The following HPSE2 variants were observed in gnomAD, a reference collection of about 807,000 sequenced individuals.
HPSE2 encodes the protein heparanase 2 (inactive), also known as inactive heparanase-2.
Under a neutral mutation model 60.5 loss-of-function variants are expected in HPSE2, and 38 were observed. The observed-to-expected ratio is 0.63, with a 90% CI of 0.48 to 0.82. The LOEUF (loss-of-function observed/expected upper bound fraction) is 0.82, where lower values mean the gene tolerates loss of function less well. Among genes scored for constraint, HPSE2 ranks in the 40% least tolerant of loss-of-function variants. HPSE2 has a pLI of 0.00. For synonymous variants in HPSE2, 295 were observed against 293.2 expected (o/e 1.01, Z -0.06); for missense variants, 713 against 740.4 (o/e 0.96, Z 0.43).
At chr10:99,094,920 G>A (rs1843667298) in intron 3 of HPSE2, among the ~76,000 whole-genome samples, 1 of 151,956 alleles carries the variant, frequency 6.6e-6, no homozygotes, top group Non-Finnish European at 1.5e-5. Context: ...GGTCACAGTG[G>A]CTCACACCTA....
the HPSE2 span, among the ~76,000 whole-genome samples, chr10:99,276,878 A>G: frequency 6.6e-6 from 1 of 152,232 alleles, no homozygotes; most frequent in Non-Finnish European, 1.5e-5. Context: ...TACTATAATA[A>G]TATTTGAGCA....
At chr10:99,019,296 T>C (rs1034719500) in intron 3 of HPSE2, among the ~76,000 whole-genome samples, 1 of 152,228 alleles carries the variant, frequency 6.6e-6, no homozygotes, top group Admixed American at 6.5e-5. Flanking sequence ...ATTTACTAAG[T>C]GTTGAAGAGG....
chr10:98,477,866 T>A (rs969372900), intron 11 of HPSE2, among the ~76,000 whole-genome samples: 10 of 152,168 alleles, frequency 6.6e-5, no homozygotes, highest in Admixed American at 2.0e-4. Context: ...ACCAGCAGCA[T>A]CATCAGATTC....
chr10:98,857,547 G>A (rs1050197049), intron 3 of HPSE2, among the ~76,000 whole-genome samples: 10 of 152,066 alleles, frequency 6.6e-5, no homozygotes, highest in African/African-American at 2.4e-4. Context: ...TAAAAATGAG[G>A]TTTTAAAATA....
chr10:98,590,120 A>G (rs567439990), intron 9 of HPSE2, among the ~76,000 whole-genome samples: 80 of 152,368 alleles, frequency 5.3e-4, no homozygotes, highest in Middle Eastern at 3.4e-3. Flanking sequence ...TGCATGTTCT[A>G]ACACCAACCC....
chr10:98,649,670 C>A (rs775442109), intron 6 of HPSE2, among the ~76,000 whole-genome samples: 66 of 152,030 alleles, frequency 4.3e-4, no homozygotes, highest in Non-Finnish European at 1.0e-4. Flanking sequence ...AAAGCAAAAA[C>A]CGGGGTAGAT....
the HPSE2 span, among the ~76,000 whole-genome samples, chr10:99,277,661 T>A: frequency 1.3e-5 from 2 of 152,208 alleles, no homozygotes; most frequent in Non-Finnish European, 2.9e-5. Context: ...ATAAAAACAT[T>A]TAGCGTTTGT....
At chr10:98,891,319 T>C (rs1023915891) in intron 3 of HPSE2, among the ~76,000 whole-genome samples, 5 of 152,172 alleles carry the variant, frequency 3.3e-5, no homozygotes, top group Non-Finnish European at 7.4e-5. Flanking sequence ...AAACCATATA[T>C]TAAATAATTC....
intron 3 of HPSE2, among the ~76,000 whole-genome samples, chr10:98,922,785 T>A (rs76546226): frequency 0.027 from 4,034 of 152,224 alleles, 131 homozygotes; most frequent in East Asian, 0.15. Flanking sequence ...AAACTCCACA[T>A]GTTAACTTAG....
chr10:98,550,874 G>T (rs573950046), intron 9 of HPSE2, among the ~76,000 whole-genome samples: 1 of 152,264 alleles, frequency 6.6e-6, no homozygotes, highest in East Asian at 1.9e-4. Flanking sequence ...CTCCCAAAGT[G>T]CTGGGATTAC....
At chr10:98,837,592 C>T (rs529374387) in intron 3 of HPSE2, among the ~76,000 whole-genome samples, 11 of 152,144 alleles carry the variant, frequency 7.2e-5, no homozygotes, top group African/African-American at 2.4e-4. Flanking sequence ...AAGAAACCTC[C>T]GGCCGGGCGT....
the HPSE2 span, among the ~76,000 whole-genome samples, chr10:99,271,774 C>T: frequency 6.6e-6 from 1 of 152,196 alleles, no homozygotes; most frequent in South Asian, 2.1e-4. Flanking sequence ...ACCAAAACTG[C>T]ATGGTTCTGG....
chr10:98,620,626 G>A lies in HPSE2; in HGVS notation c.1181C>T (p.Ser394Phe), dbSNP rs771388696. 9 of 1,613,880 alleles carry A rather than the reference G, an allele frequency of 5.6e-6. No individual in the cohort carries two copies. The Admixed American group carries it at 1.5e-4, about 27-fold the overall frequency. ...TTSAGGTNNL[S>F]DSYAAGFLWL... ...CAAGAATCCTGCAGCATAGGAATCG[G>A]ATAGATTGTTTGTGCCTCCAGCTGA... The change falls in exon 8 of 12, where the codon TCC becomes TTC. Residue 394 changes from serine to phenylalanine, a missense_variant. By Grantham distance (155) the Ser-to-Phe change is radical (BLOSUM62 -2). Coordinates refer to ENST00000370552, the MANE Select transcript of HPSE2 (RefSeq NM_021828.5).
At chr10:98,568,701 T>G (rs771996538) in intron 9 of HPSE2, among the ~76,000 whole-genome samples, 59 of 152,170 alleles carry the variant, frequency 3.9e-4, no homozygotes, top group Non-Finnish European at 7.2e-4. Flanking sequence ...GGGCTTCAGG[T>G]TCTTTCCCCT....
intron 9 of HPSE2, among the ~76,000 whole-genome samples, chr10:98,585,906 T>C (rs10883144): frequency 0.56 from 83,199 of 147,700 alleles, 23,597 homozygotes; most frequent in Admixed American, 0.62. Context: ...GAGCTGAGAT[T>C]GCCCCATTAC....
At chr10:98,937,495 G>A (rs1031357792) in intron 3 of HPSE2, among the ~76,000 whole-genome samples, 1 of 144,354 alleles carries the variant, frequency 6.9e-6, no homozygotes, top group Non-Finnish European at 1.5e-5. Flanking sequence ...TAGCACAGCA[G>A]TCTGAGATCA....
At chr10:99,313,316 G>T in the HPSE2 span, among the ~76,000 whole-genome samples, 2 of 152,148 alleles carry the variant, frequency 1.3e-5, no homozygotes, top group Non-Finnish European at 2.9e-5. Flanking sequence ...CCAAAATTCA[G>T]TGGAGGTTCC....
intron 9 of HPSE2, among the ~76,000 whole-genome samples, chr10:98,569,197 G>C (rs966105441): frequency 1.9e-4 from 29 of 151,812 alleles, no homozygotes; most frequent in African/African-American, 6.5e-4. Context: ...CTGAGTAGCT[G>C]GGATTACAGG....
intron 3 of HPSE2, among the ~76,000 whole-genome samples, chr10:99,039,891 A>G (rs189282088): frequency 6.6e-6 from 1 of 152,306 alleles, no homozygotes; most frequent in Non-Finnish European, 1.5e-5. Context: ...AAACAAAAAT[A>G]ACCAGAGTCA....
Sources: gnomAD v4.1 joint callset for allele counts (sites outside exome capture counted in the v4.1 genomes callset) on GRCh38, gnomAD v4.1.1 for gene constraint, MANE v1.5 for transcripts, NCBI Gene and HGNC (gene_info 2026-07-23, HGNC 2026-07-21) for gene names.